Variants in RAD51B observed in about 807,000 individuals in gnomAD.
RAD51B encodes DNA repair protein RAD51 homolog 2.
Under a neutral mutation model 42.2 loss-of-function variants are expected in RAD51B, and 38 were observed. The observed-to-expected ratio is 0.90, with a 90% CI of 0.70 to 1.18. The LOEUF (loss-of-function observed/expected upper bound fraction) is 1.18. Among genes scored for constraint, RAD51B ranks in the 50% most tolerant of loss-of-function variants. The pLI, the probability that RAD51B is intolerant of heterozygous loss-of-function variation, is 0.00. For synonymous variants in RAD51B, 154 were observed against 145.2 expected, an observed-to-expected ratio of 1.06 and a Z score of -0.43; for missense variants, 373 against 400.7, an observed-to-expected ratio of 0.93 and a Z score of 0.59.
At chr14:68,611,935 A>T (rs1420774971), downstream of RAD51B, among the ~76,000 whole-genome samples, 3 of 152,058 alleles carry the variant, frequency 2.0e-5, no homozygotes, top group Non-Finnish European at 4.4e-5. Flanking sequence ...TACGAAAACC[A>T]GTGGGAGGAT....
At chr14:68,656,371 A>G (rs1892815405) in intron 11 of RAD51B, among the ~76,000 whole-genome samples, 1 of 152,080 alleles carries the variant, frequency 6.6e-6, no homozygotes, top group Non-Finnish European at 1.5e-5. Flanking sequence ...TGTGCACAGA[A>G]TCCCAAAATA....
intron 8 of RAD51B, among the ~76,000 whole-genome samples, chr14:68,382,434 C>A (rs530979820): frequency 3.3e-5 from 5 of 152,272 alleles, no homozygotes; most frequent in African/African-American, 9.6e-5. Flanking sequence ...GACAGAGTGG[C>A]CTTTCTAATT....
intron 7 of RAD51B, among the ~76,000 whole-genome samples, chr14:68,161,674 GATTA>G (rs1202542401): frequency 2.2e-4 from 33 of 152,304 alleles, no homozygotes; most frequent in Non-Finnish European, 4.6e-4. Context: ...GGAAGTTGAG[GATTA>G]ATTAAGTGAA....
downstream of RAD51B, among the ~76,000 whole-genome samples, chr14:68,478,951 A>G (rs547434779): frequency 6.6e-6 from 1 of 152,316 alleles, no homozygotes; most frequent in African/African-American, 2.4e-5. Context: ...AAGACTTACA[A>G]ACTATTAACT....
rs150914106 is a variant in RAD51B, at chr14:68,318,433, C to CTA, written c.853+26454_853+26455dup. ...GAGTGGTACCATTTGCTTAAAATCC[C>CTA]TAGGGCCTTATAGGGTAAACCTATT... On this transcript the variant is annotated intron_variant, in intron 8 of 10. Coordinates refer to ENST00000471583, the MANE Select transcript of RAD51B (RefSeq NM_133510.4). Among the ~76,000 whole-genome samples the CTA allele has an allele frequency of 9.2e-3, 1,395 of 152,210 alleles. 23 individuals are homozygous for CTA. Among genetic ancestry groups the CTA allele is most frequent in the African/African-American group, 0.032 (1,330 of 41,514 alleles).
intron 7 of RAD51B, among the ~76,000 whole-genome samples, chr14:68,082,898 C>T (rs954783502): frequency 5.9e-5 from 9 of 152,154 alleles, no homozygotes. Flanking sequence ...TGCATATAGA[C>T]ATCTGGGTAC....
At chr14:68,501,652 T>C (rs1355640135) in intron 10 of RAD51B, among the ~76,000 whole-genome samples, 1 of 152,234 alleles carries the variant, frequency 6.6e-6, no homozygotes, top group African/African-American at 2.4e-5. Context: ...GACTGAGAAC[T>C]AAGGCTGTAA....
At chr14:68,468,495 A>C in intron 10 of RAD51B, 1 of 541,606 alleles carries the variant, frequency 1.8e-6, no homozygotes. Flanking sequence ...TGAGACAATC[A>C]AAACATGAGG....
chr14:68,202,573 C>CT (rs145298493), intron 7 of RAD51B, among the ~76,000 whole-genome samples: 2,021 of 81,502 alleles, frequency 0.025, 191 homozygotes, highest in Admixed American at 0.039. Context: ...GAAGCAACGT[C>CT]TTTTTTTTTT....
At chr14:67,919,527 T>C (rs752018452) in intron 7 of RAD51B, among the ~76,000 whole-genome samples, 4 of 152,196 alleles carry the variant, frequency 2.6e-5, no homozygotes, top group Non-Finnish European at 4.4e-5. Flanking sequence ...TATTTACCTT[T>C]CCACGGTTTC....
chr14:67,900,285 A>G (rs2043565825), intron 7 of RAD51B, among the ~76,000 whole-genome samples: 1 of 152,206 alleles, frequency 6.6e-6, no homozygotes, highest in South Asian at 2.1e-4. Context: ...TCTGAACAAT[A>G]TTCTCAGAAT....
chr14:68,594,926 C>A, exon 11 of RAD51B: 1 of 1,090,916 alleles, frequency 9.2e-7, no homozygotes, highest in Non-Finnish European at 1.1e-6. Flanking sequence ...GCTAAAGGAC[C>A]AGGGACGTGG....
intron 10 of RAD51B, among the ~76,000 whole-genome samples, chr14:68,499,092 T>A (rs1226656040): frequency 5.3e-5 from 8 of 151,854 alleles, no homozygotes; most frequent in Admixed American, 5.2e-4. Context: ...AGGTGAAGGG[T>A]TTCAGCACTG....
At chr14:68,537,256 T>C (rs1237286371) in intron 10 of RAD51B, among the ~76,000 whole-genome samples, 2 of 152,038 alleles carry the variant, frequency 1.3e-5, no homozygotes, top group Non-Finnish European at 2.9e-5. Flanking sequence ...CCCAGCATTT[T>C]GGGAGGCCGA....
At chr14:67,904,160 G>A (rs1178242420) in intron 7 of RAD51B, among the ~76,000 whole-genome samples, 1 of 152,022 alleles carries the variant, frequency 6.6e-6, no homozygotes. Context: ...CACCGTTAGT[G>A]GGCATTTAGG....
At chr14:68,382,996 T>C (rs941288996) in intron 8 of RAD51B, among the ~76,000 whole-genome samples, 10 of 152,226 alleles carry the variant, frequency 6.6e-5, no homozygotes, top group Non-Finnish European at 1.2e-4. Context: ...TTATTTAGCT[T>C]ATTTTGATTC....
chr14:68,237,601 C>T (rs964719384), intron 7 of RAD51B, among the ~76,000 whole-genome samples: 1 of 152,176 alleles, frequency 6.6e-6, no homozygotes, highest in Non-Finnish European at 1.5e-5. Context: ...TACTCCCCAT[C>T]CCAGCCCTAG....
At chr14:68,171,970 G>GT in intron 7 of RAD51B, among the ~76,000 whole-genome samples, 1 of 152,092 alleles carries the variant, frequency 6.6e-6, no homozygotes, top group Non-Finnish European at 1.5e-5. Flanking sequence ...GCCTCCCAAA[G>GT]TGCTGGGATT....
At chr14:68,389,162 C>T (rs771353042) in intron 8 of RAD51B, among the ~76,000 whole-genome samples, 58 of 152,052 alleles carry the variant, frequency 3.8e-4, no homozygotes, top group Non-Finnish European at 7.4e-4. Context: ...GTGTGTACAT[C>T]GTAGTGTATA....
Sources: allele counts gnomAD v4.1 joint callset (sites outside exome capture counted in the v4.1 genomes callset), GRCh38; gene constraint gnomAD v4.1.1; transcripts MANE v1.5; gene names NCBI Gene and HGNC (gene_info 2026-07-23, HGNC 2026-07-21).